The following KDM1B variants were observed in gnomAD, a reference collection of about 807,000 sequenced individuals.
KDM1B encodes lysine demethylase 1B, also known as lysine-specific histone demethylase 2.
A neutral mutation model predicts 107.4 loss-of-function variants in KDM1B; 63 were observed. The observed-to-expected ratio is 0.59, with a 90% confidence interval of 0.48 to 0.72. The LOEUF (loss-of-function observed/expected upper bound fraction) is 0.72. Among genes scored for constraint, KDM1B ranks in the 30% least tolerant of loss-of-function variants. The pLI, the probability that KDM1B is intolerant of heterozygous loss-of-function variation, is 0.00. For synonymous variants in KDM1B, 363 were observed against 363.9 expected (o/e 1.00, Z 0.03); for missense variants, 749 against 1,020.8 (o/e 0.73, Z 3.63).
Position 18,187,982 on chromosome 6 carries a change from A to C in KDM1B, c.764A>C (p.Lys255Thr). 1.9e-6 allele frequency: 3 copies of C among 1,550,428 alleles called. No individual in the cohort carries two copies. The highest frequency in any genetic ancestry group is 2.6e-6 in the Non-Finnish European group (3 of 1,146,968). ...NASPGKLEHS[K>T]AALSVHVPGM... ...AGCCCTGGGAAGCTGGAGCACTCCAAGGCTGCCCTCTCCGTGCACGGTGAG... is the reference window on the plus strand; with the variant it reads ...AGCCCTGGGAAGCTGGAGCACTCCACGGCTGCCCTCTCCGTGCACGGTGAG... Residue 255 changes from lysine to threonine, a missense_variant, in exon 9 of 22, where the codon AAG becomes ACG. By Grantham distance (78) the Lys-to-Thr change is moderately conservative. Coordinates refer to ENST00000650836, the MANE Select transcript of KDM1B (RefSeq NM_001364614.2).
chr6:18,182,819 C>T (rs1561924077), intron 7 of KDM1B, among the ~76,000 whole-genome samples: 1 of 152,204 alleles, frequency 6.6e-6, no homozygotes, highest in Non-Finnish European at 1.5e-5. Flanking sequence ...GTGTGAGCCA[C>T]TGTGCTTAGC....
chr6:18,161,513 A>G (rs1370626282), intron 4 of KDM1B, 59 bp downstream of exon 4: 8 of 1,581,870 alleles, frequency 5.1e-6, no homozygotes, highest in Non-Finnish European at 6.1e-6. Flanking sequence ...TCTTTGTGGA[A>G]ACATCATCCT....
chr6:18,158,739 A>G (rs969927988), intron 2 of KDM1B, among the ~76,000 whole-genome samples: 8 of 152,202 alleles, frequency 5.3e-5, no homozygotes, highest in Admixed American at 1.3e-4. Flanking sequence ...AATCTAATTG[A>G]AAAAAATTCT....
chr6:18,160,699 C>A (rs1784911316), intron 3 of KDM1B, among the ~76,000 whole-genome samples: 2 of 150,516 alleles, frequency 1.3e-5, no homozygotes, highest in Admixed American at 1.3e-4. Flanking sequence ...GATGGCGCCA[C>A]TGCATTGCAG....
chr6:18,207,772 G>T (rs79047439), intron 16 of KDM1B, among the ~76,000 whole-genome samples: 84 of 152,188 alleles, frequency 5.5e-4, no homozygotes, highest in African/African-American at 2.0e-3. Flanking sequence ...AAATTGCTTC[G>T]CAACTTTCCT....
At position 18,211,785 on chromosome 6, in the gene KDM1B, C is replaced by G. The variant is rs1280274014; in HGVS notation, c.1867-703C>G. On this transcript the variant is annotated intron_variant, in intron 17 of 21. Transcript: ENST00000650836. This position sits in a 1 kb window ranked among gnomAD's most constrained non-coding sequence, Gnocchi z 5.2. ...TTAGTTTTAAAGCATCACCCTGATT[C>G]TCAGAGGTTAGTGGGGCAGATACTA... is the stretch of plus-strand genomic sequence containing the variant. 6.6e-6 allele frequency: 1 copy of G among 152,168 alleles called. No individual in the cohort carries two copies. The highest frequency in any genetic ancestry group is 1.5e-5 in the Non-Finnish European group (1 of 68,062). 9.4% of individuals were successfully genotyped at this position (152,168 alleles called of 1,614,324 possible).
intron 5 of KDM1B, among the ~76,000 whole-genome samples, chr6:18,164,438 G>GC (rs1785162019): frequency 6.6e-6 from 1 of 151,772 alleles, no homozygotes. Context: ...ACCACGCCTG[G>GC]CCGTCATGTA....
intron 9 of KDM1B, among the ~76,000 whole-genome samples, chr6:18,190,899 CAAAA>C (rs568735839): frequency 8.0e-6 from 1 of 125,388 alleles, no homozygotes; most frequent in South Asian, 2.6e-4. Context: ...GACTCTGTCT[CAAAA>C]AAAAAAAAAA....
Position 18,197,017 on chromosome 6 carries a change from C to CT in KDM1B, c.970-34dup, listed in dbSNP as rs776766892. Reference sequence around the variant, plus strand: ...CTGCTATTGTTTGAATTTCTTGGGACTTTTTTAAAAAAGCAGTTTGGTTTT... The same window carrying CT: ...CTGCTATTGTTTGAATTTCTTGGGACTTTTTTTAAAAAAGCAGTTTGGTTTT... On this transcript the variant is annotated intron_variant, in intron 10 of 21. Coordinates refer to ENST00000650836, the MANE Select transcript of KDM1B (RefSeq NM_001364614.2). This position sits in a 1 kb window ranked among gnomAD's most constrained non-coding sequence, Gnocchi z 4.5. 1.0e-5 allele frequency: 16 copies of CT among 1,547,894 alleles called. No individual in the cohort carries two copies. The highest frequency in any genetic ancestry group is 2.3e-5 in the East Asian group (1 of 43,962).
At position 18,190,278 on chromosome 6, in the gene KDM1B, C is replaced by G. The variant is rs1218644555; in HGVS notation, c.785-919C>G. 2.0e-5 allele frequency among the ~76,000 whole-genome samples: 3 copies of G among 151,822 alleles called. No homozygotes were observed. The East Asian group carries it at 5.9e-4, about 30-fold the overall frequency. On this transcript the variant is annotated intron_variant, in intron 9 of 21. Transcript: ENST00000650836. ...CACAGCAGCATGAATGTACTTAACA[C>G]TACTGAACTGTACACTTAAAAACAG...
intron 10 of KDM1B, among the ~76,000 whole-genome samples, chr6:18,194,487 C>T (rs926699231): frequency 3.3e-5 from 5 of 152,118 alleles, no homozygotes; most frequent in Admixed American, 2.6e-4. Flanking sequence ...AAAACCGACA[C>T]GATAAAGTGT....
Position 18,207,543 on chromosome 6 carries a change from G to A in KDM1B, c.1791+14G>A, listed in dbSNP as rs771001293. The A allele has an allele frequency of 1.9e-6, 3 of 1,613,812 alleles. No homozygotes were observed. Among genetic ancestry groups the A allele is most frequent in the Non-Finnish European group, 2.5e-6 (3 of 1,179,674 alleles). ...CTCAAATCTCCAGTGAGTATCAACT[G>A]CTGGGAGGCTCTGGCTCGCCTTGTT... is the stretch of plus-strand genomic sequence containing the variant. On this transcript the variant is annotated intron_variant, in intron 16 of 21. Coordinates refer to ENST00000650836, the MANE Select transcript of KDM1B (RefSeq NM_001364614.2).
At chr6:18,208,854 C>T (rs1039867633) in intron 17 of KDM1B, among the ~76,000 whole-genome samples, 1 of 148,906 alleles carries the variant, frequency 6.7e-6, no homozygotes, top group Non-Finnish European at 1.5e-5. Context: ...TGGGGTTTCA[C>T]CCTGTTAGCC....
In KDM1B at chr6:18,197,675, G is replaced by T. The variant is rs765904272; in HGVS notation, c.1221+14G>T. On this transcript the variant is annotated intron_variant, in intron 12 of 21. Coordinates refer to ENST00000650836, the MANE Select transcript of KDM1B (RefSeq NM_001364614.2). This position sits in a 1 kb window ranked among gnomAD's most constrained non-coding sequence, Gnocchi z 4.5. ...TTTGGAATTAAGGTAGGATTTTGGG[G>T]ACATGGAGTTAGAACAGATGGTTGA... 2.5e-6 allele frequency: 4 copies of T among 1,607,552 alleles called. No homozygotes were observed. In the South Asian group the frequency reaches 3.3e-5, roughly 13 times the overall value.
chr6:18,171,617 A>T, intron 7 of KDM1B, 138 bp downstream of exon 7: 1 of 644,438 alleles, frequency 1.6e-6, no homozygotes, highest in Non-Finnish European at 2.8e-6. Context: ...AACCCCAACT[A>T]TAATGGCTTA....
At position 18,162,818 on chromosome 6, in the gene KDM1B, T is replaced by C; in HGVS notation, c.216-17T>C. On this transcript the variant is annotated splice_polypyrimidine_tract_variant and intron_variant, in intron 4 of 21. Transcript: ENST00000650836. The surrounding 1 kb of genome is among the most constrained non-coding windows in gnomAD (Gnocchi z 4.1). The stretch of plus-strand genomic sequence containing the variant: ...GTTTATTCATTACCAAAGCTATATG[T>C]TTTTCACTATTTTCAGATGTGCCAA... 7.1e-7 allele frequency: 1 copy of C among 1,415,936 alleles called. No homozygotes were observed. The highest frequency in any genetic ancestry group is 1.4e-5 in the African/African-American group (1 of 71,232). The allele number at this position is 1,415,936 out of a possible 1,614,324, so 87.7% of individuals were successfully genotyped here. A position where few individuals can be genotyped will look rare whatever the true frequency, so the allele number is the denominator to read the frequency against.
intron 21 of KDM1B, 39 bp from the exon 22 acceptor site, chr6:18,221,870 T>A (rs1789778953): frequency 6.8e-7 from 1 of 1,479,768 alleles, no homozygotes; most frequent in East Asian, 2.3e-5. Context: ...TCAACTCAAC[T>A]CTATGCATGA....
chr6:18,206,846 T>C (rs1788409073), intron 15 of KDM1B, among the ~76,000 whole-genome samples: 1 of 152,206 alleles, frequency 6.6e-6, no homozygotes, highest in African/African-American at 2.4e-5. Context: ...AAGTCTGGTC[T>C]GTTTACCTTG....
intron 20 of KDM1B, among the ~76,000 whole-genome samples, chr6:18,217,379 T>C (rs1789319737): frequency 2.3e-5 from 1 of 43,658 alleles, no homozygotes; most frequent in African/African-American, 1.6e-4. Flanking sequence ...ATCTCCCTTC[T>C]TTTTTTTTTT....
Sources: allele counts gnomAD v4.1 joint callset (sites outside exome capture counted in the v4.1 genomes callset), GRCh38; gene constraint gnomAD v4.1.1; non-coding constraint Gnocchi (gnomAD v3.1); transcripts MANE v1.5; gene names NCBI Gene and HGNC (gene_info 2026-07-23, HGNC 2026-07-21).